ISOC1: variants seen among roughly 807,000 people sequenced by gnomAD.
ISOC1 encodes isochorismatase domain-containing protein 1.
ISOC1 carries 33 observed loss-of-function variants against 30.0 expected under a neutral mutation model. The observed-to-expected ratio is 1.10, with a 90% CI of 0.83 to 1.47. The LOEUF (loss-of-function observed/expected upper bound fraction) is 1.47. Ranked by LOEUF, ISOC1 falls within the 40% of genes most tolerant of loss-of-function variation. The pLI, the probability that ISOC1 is intolerant of heterozygous loss-of-function variation, is 0.00. For missense variants in ISOC1, 372 were observed against 388.0 expected, an observed-to-expected ratio of 0.96 and a Z score of 0.35; for synonymous variants, 178 against 159.8, an observed-to-expected ratio of 1.11 and a Z score of -0.86.
intron 4 of ISOC1, among the ~76,000 whole-genome samples, chr5:129,109,729 A>T (rs73235868): frequency 0.066 from 10,090 of 152,204 alleles, 654 homozygotes; most frequent in African/African-American, 0.17. Flanking sequence ...CGGAGGCGAT[A>T]TACCTTGTTC....
At chr5:129,102,268 G>C (rs1161154629) in intron 1 of ISOC1, among the ~76,000 whole-genome samples, 1 of 152,176 alleles carries the variant, frequency 6.6e-6, no homozygotes, top group East Asian at 1.9e-4. Context: ...ATTGTAACCT[G>C]TACTCTGCTT....
intron 4 of ISOC1, among the ~76,000 whole-genome samples, chr5:129,108,352 C>CT (rs1347348083): frequency 5.3e-5 from 8 of 152,044 alleles, no homozygotes; most frequent in Admixed American, 2.0e-4. Flanking sequence ...TCTCCCTTCT[C>CT]TGTTATTGCT....
At chr5:129,108,684 G>C (rs886077785) in intron 4 of ISOC1, among the ~76,000 whole-genome samples, 6 of 151,964 alleles carry the variant, frequency 3.9e-5, no homozygotes, top group Admixed American at 1.3e-4. Flanking sequence ...GCTAATTTTT[G>C]TATTTTTAGT....
At chr5:129,103,936 C>T (rs543437235) in intron 1 of ISOC1, among the ~76,000 whole-genome samples, 1 of 152,204 alleles carries the variant, frequency 6.6e-6, no homozygotes, top group South Asian at 2.1e-4. Flanking sequence ...AAGAAAAGCA[C>T]CTCAGACTTT....
chr5:129,102,104 C>T (rs928575000), intron 1 of ISOC1, among the ~76,000 whole-genome samples: 3 of 152,150 alleles, frequency 2.0e-5, no homozygotes, highest in Admixed American at 1.3e-4. Context: ...TTACTCTTCC[C>T]CCTCTATACT....
Position 129,107,063 on chromosome 5 carries a change from G to A in ISOC1, c.750+1G>A. 1 of 1,607,720 alleles carries A rather than the reference G, an allele frequency of 6.2e-7. No individual in the cohort carries two copies. Among genetic ancestry groups the A allele is most frequent in the Non-Finnish European group, 8.5e-7 (1 of 1,174,402 alleles). On this transcript the variant is annotated splice_donor_variant, in intron 4 of 4. Transcript: ENST00000173527. LOFTEE classifies it high-confidence loss of function. Reference sequence around the variant, plus strand: ...GATGGACAGGATGTTTGCCCTCGAGGTAATTGTCCTGCTTGGGAATAGATC... The same window carrying A: ...GATGGACAGGATGTTTGCCCTCGAGATAATTGTCCTGCTTGGGAATAGATC...
chr5:129,094,784 G>A lies in ISOC1; in HGVS notation c.18G>A (p.Pro6=). The change falls in exon 1 of 5, where the codon CCG becomes CCA. Residue 6 remains proline (P), a synonymous_variant. Transcript: ENST00000173527. MAAAE[P]AVLALPNSGA... ...GGGGGAACATGGCGGCTGCGGAGCCGGCGGTCCTTGCGCTCCCCAACAGCG... is the reference window on the plus strand; with the variant it reads ...GGGGGAACATGGCGGCTGCGGAGCCAGCGGTCCTTGCGCTCCCCAACAGCG... 6.6e-7 allele frequency: 1 copy of A among 1,508,600 alleles called. No homozygotes were observed. The allele number at this position is 1,508,600 out of a possible 1,614,324, so 93.5% of individuals were successfully genotyped here. A position where few individuals can be genotyped will look rare whatever the true frequency, so the allele number is the denominator to read the frequency against.
intron 1 of ISOC1, among the ~76,000 whole-genome samples, chr5:129,098,601 G>C (rs867006105): frequency 1.3e-5 from 2 of 152,174 alleles, no homozygotes; most frequent in Non-Finnish European, 1.5e-5. Context: ...GGCCAGGAAA[G>C]ACAGAGCCTG....
rs1561424740 is a variant in ISOC1, at chr5:129,113,025, A to G, written c.*24A>G. ...AGGACATTTGAAGAACTGGTATGCT[A>G]CTCACTGGTGAAGGACAGTCAGGTG... On this transcript the variant is annotated 3_prime_UTR_variant, in exon 5 of 5. Coordinates refer to ENST00000173527, the MANE Select transcript of ISOC1 (RefSeq NM_016048.2). 1 of 1,598,990 alleles carries G rather than the reference A, an allele frequency of 6.3e-7. No individual in the cohort carries two copies. Among genetic ancestry groups the G allele is most frequent in the Non-Finnish European group, 8.5e-7 (1 of 1,171,964 alleles).
rs368808840 is a variant in ISOC1 at position 129,105,032 on chromosome 5, C to G, written c.386C>G (p.Ala129Gly). The change falls in exon 2 of 5, where the codon GCC becomes GGC. Residue 129 changes from alanine to glycine, a missense_variant. Ala to Gly is a moderately conservative substitution (Grantham distance 60, BLOSUM62 0). Transcript: ENST00000173527. ...GATATGCAGGAAAGGTTCAGACCAG[C>G]CATCAAGTATTTTGGGGATATTATT... ...CCDMQERFRP[A>G]IKYFGDIISV... is the part of the protein sequence containing the mutation. 8.1e-6 allele frequency: 13 copies of G among 1,613,722 alleles called. No homozygotes were observed. In the African/African-American group the frequency reaches 1.7e-4, roughly 22 times the overall value.
intron 1 of ISOC1, 45 bp downstream of exon 1, chr5:129,095,120 C>T (rs763650339): frequency 1.0e-5 from 15 of 1,475,362 alleles, no homozygotes; most frequent in African/African-American, 1.4e-5. Flanking sequence ...CCCGAGTCGT[C>T]CCCGTCCCCG....
chr5:129,109,032 C>T (rs1482136902), intron 4 of ISOC1, among the ~76,000 whole-genome samples: 1 of 152,082 alleles, frequency 6.6e-6, no homozygotes, highest in Non-Finnish European at 1.5e-5. Context: ...TAAAAAAGGA[C>T]TTTTTTCAAG....
At chr5:129,109,493 T>A (rs1398632238) in intron 4 of ISOC1, among the ~76,000 whole-genome samples, 2 of 152,174 alleles carry the variant, frequency 1.3e-5, no homozygotes, top group Non-Finnish European at 2.9e-5. Context: ...AATGTGTAAG[T>A]ATATAACCTC....
chr5:129,094,813 CCGGGGGCG>C lies in ISOC1; in HGVS notation c.57_64del (p.Gly20ValfsTer99), dbSNP rs982505929. 8.5e-6 allele frequency: 13 copies of C among 1,537,760 alleles called. No individual in the cohort carries two copies. The African/African-American group carries it at 1.5e-4, about 18-fold the overall frequency. On this transcript the variant is annotated frameshift_variant, in exon 1 of 5. Coordinates refer to ENST00000173527, the MANE Select transcript of ISOC1 (RefSeq NM_016048.2). LOFTEE classifies it high-confidence loss of function. Reference sequence around the variant, plus strand: ...GTCCTTGCGCTCCCCAACAGCGGCGCCGGGGGCGCGGGGGCGCCGTCGGGCACAGTCCC... The same window carrying C: ...GTCCTTGCGCTCCCCAACAGCGGCGCCGGGGGCGCCGTCGGGCACAGTCCC...
chr5:129,098,927 T>G (rs540942772), intron 1 of ISOC1, among the ~76,000 whole-genome samples: 1 of 152,122 alleles, frequency 6.6e-6, no homozygotes, highest in Non-Finnish European at 1.5e-5. Flanking sequence ...CGCCTTTGGC[T>G]TGATAGTTTG....
At chr5:129,099,374 G>T (rs1192443879) in intron 1 of ISOC1, among the ~76,000 whole-genome samples, 2 of 152,084 alleles carry the variant, frequency 1.3e-5, no homozygotes, top group South Asian at 4.1e-4. Context: ...CGTCCCTTGG[G>T]GATTTAGAAA....
intron 1 of ISOC1, among the ~76,000 whole-genome samples, chr5:129,101,483 A>G (rs190551157): frequency 3.9e-5 from 6 of 152,138 alleles, no homozygotes; most frequent in Non-Finnish European, 7.4e-5. Context: ...CGACAGAGTG[A>G]GACTCTGTCT....
intron 3 of ISOC1, 97 bp from the exon 4 acceptor site, chr5:129,106,849 C>T (rs1225656813): frequency 2.5e-6 from 2 of 787,006 alleles, no homozygotes; most frequent in Admixed American, 4.1e-5. Context: ...CTTAGATGAT[C>T]TGTAGTGCTC....
At chr5:129,110,752 G>C (rs1287071984) in intron 4 of ISOC1, among the ~76,000 whole-genome samples, 1 of 152,200 alleles carries the variant, frequency 6.6e-6, no homozygotes, top group East Asian at 1.9e-4. Flanking sequence ...AGCGTCACCA[G>C]ATTCCTTCCT....
Sources: gnomAD v4.1 joint callset for allele counts (sites outside exome capture counted in the v4.1 genomes callset) on GRCh38, gnomAD v4.1.1 for gene constraint, MANE v1.5 for transcripts, NCBI Gene and HGNC (gene_info 2026-07-23, HGNC 2026-07-21) for gene names.